ATP1A4: variants seen among roughly 807,000 people sequenced by gnomAD.
ATP1A4 encodes the protein ATPase Na+/K+ transporting subunit alpha 4.
In ATP1A4, 90 loss-of-function variants were observed where a neutral mutation model predicts 114.3. That is an observed-to-expected ratio of 0.79 (90% confidence interval 0.66 to 0.94). The LOEUF is 0.94. Among genes scored for constraint, ATP1A4 ranks in the 40% least tolerant of loss-of-function variants. The probability of loss-of-function intolerance (pLI) is 0.00; values close to 1 mark genes in which losing one functional copy is unlikely to be tolerated. For synonymous variants in ATP1A4, 511 were observed against 494.1 expected, an observed-to-expected ratio of 1.03 and a Z score of -0.45; for missense variants, 1,222 against 1,313.6, an observed-to-expected ratio of 0.93 and a Z score of 1.08.
Position 160,155,234 on chromosome 1 carries a change from C to A in ATP1A4, c.397C>A (p.Pro133Thr), listed in dbSNP as rs752786266. The change falls in exon 3 of 22, where the codon CCT (proline) becomes ACT (threonine). Residue 133 changes from proline to threonine, a missense_variant. Transcript: ENST00000368081. ...CATCCAGATATATTTCAATGAGGAG[C>A]CTACCAAAGACAACGTGAGTCTCTT... The part of the protein sequence containing the change: ...YSIQIYFNEE[P>T]TKDNLYLSIV... The A allele has an allele frequency of 1.2e-6, 2 of 1,613,278 alleles. No homozygotes were observed. The highest frequency in any genetic ancestry group is 1.7e-5 in the Admixed American group (1 of 59,930).
At chr1:160,173,800 C>A in intron 13 of ATP1A4, 83 bp downstream of exon 13, 1 of 1,513,634 alleles carries the variant, frequency 6.6e-7, no homozygotes, top group South Asian at 1.2e-5. Context: ...TACTAAAGTT[C>A]TTGGAGTCTC....
At chr1:160,159,236 T>C in intron 5 of ATP1A4, 100 bp downstream of exon 5, 1 of 1,496,710 alleles carries the variant, frequency 6.7e-7, no homozygotes, top group Non-Finnish European at 9.0e-7. Context: ...TTACTCAGAA[T>C]CTTGAGAAGT....
intron 18 of ATP1A4, among the ~76,000 whole-genome samples, chr1:160,178,501 C>T (rs928040677): frequency 2.6e-5 from 4 of 151,960 alleles, no homozygotes; most frequent in African/African-American, 9.7e-5. Context: ...ATGGTGAAAC[C>T]CCATCTCTAC....
intron 12 of ATP1A4, 100 bp from the exon 13 acceptor site, chr1:160,173,481 G>C: frequency 3.3e-6 from 5 of 1,502,130 alleles, no homozygotes; most frequent in Non-Finnish European, 4.5e-6. Flanking sequence ...TAAAACCCTT[G>C]TTGAAAAAAG....
chr1:160,155,125 A>G lies in ATP1A4; in HGVS notation c.288A>G (p.Glu96=), dbSNP rs1351344838. 4 of 1,613,194 alleles carry G rather than the reference A, an allele frequency of 2.5e-6. No homozygotes were observed. Among genetic ancestry groups the G allele is most frequent in the East Asian group, 2.2e-5 (1 of 44,844 alleles). Reference sequence around the variant, plus strand: ...TTACCCCACCCCCCACCACTCCAGAATGGGTCAAATTCTGTAAGCAACTGT... The same window carrying G: ...TTACCCCACCCCCCACCACTCCAGAGTGGGTCAAATTCTGTAAGCAACTGT... The part of the protein sequence containing the change: ...NTVTPPPTTP[E]WVKFCKQLFG... Residue 96 remains glutamate (E), a synonymous_variant, in exon 3 of 22, where the codon GAA becomes GAG. Transcript: ENST00000368081.
chr1:160,183,953 C>CTTTTTTT (rs35692428), intron 20 of ATP1A4, among the ~76,000 whole-genome samples: 1 of 129,174 alleles, frequency 7.7e-6, no homozygotes, highest in African/African-American at 2.8e-5. Context: ...ATTGATAATG[C>CTTTTTTT]TTTTTTTTTT....
chr1:160,186,236 T>C, intron 20 of ATP1A4, 40 bp from the exon 21 acceptor site: 4 of 1,403,856 alleles, frequency 2.8e-6, no homozygotes, highest in African/African-American at 1.4e-5. Context: ...CTCTGGCATC[T>C]CTCTCTCCTG....
intron 2 of ATP1A4, 33 bp downstream of exon 2, chr1:160,153,257 T>C (rs1652522035): frequency 6.3e-7 from 1 of 1,582,536 alleles, no homozygotes; most frequent in Non-Finnish European, 8.7e-7. Flanking sequence ...AGGCAGAGAG[T>C]CTCCAACTCT....
Position 160,174,255 on chromosome 1 carries a change from G to A in ATP1A4, c.2136G>A (p.Gln712=). 6.2e-7 allele frequency: 1 copy of A among 1,614,094 alleles called. No individual in the cohort carries two copies. Among genetic ancestry groups the A allele is most frequent in the Non-Finnish European group, 8.5e-7 (1 of 1,180,010 alleles). ...QQKLIIVEGC[Q]RLGAVVAVTG... ...AGCTCATCATTGTCGAGGGATGTCA[G>A]AGGCTGGTAAGGAACGAAAAGGAGC... Residue 712 remains glutamine (Q), a synonymous_variant, in exon 14 of 22, where the codon CAG becomes CAA. Transcript: ENST00000368081.
chr1:160,168,027 G>A (rs1653104241), intron 10 of ATP1A4, among the ~76,000 whole-genome samples: 1 of 152,144 alleles, frequency 6.6e-6, no homozygotes, highest in Non-Finnish European at 1.5e-5. Flanking sequence ...ACGTGTGTTC[G>A]TGTTCGTGAA....
chr1:160,168,204 A>C (rs550426025), intron 10 of ATP1A4, among the ~76,000 whole-genome samples: 1 of 152,218 alleles, frequency 6.6e-6, no homozygotes, highest in East Asian at 1.9e-4. Context: ...AGGAACAGTG[A>C]CATTATCAGA....
chr1:160,156,866 C>A (rs190682120), intron 4 of ATP1A4, among the ~76,000 whole-genome samples: 2 of 152,072 alleles, frequency 1.3e-5, no homozygotes, highest in Non-Finnish European at 2.9e-5. Flanking sequence ...TAATCCCAAC[C>A]GTTTGGGGGA....
intron 12 of ATP1A4, 62 bp downstream of exon 12, chr1:160,171,819 G>C: frequency 6.5e-7 from 1 of 1,535,096 alleles, no homozygotes; most frequent in Non-Finnish European, 8.9e-7. Flanking sequence ...CTACTAGAAG[G>C]CCTTGCGCAG....
intron 17 of ATP1A4, among the ~76,000 whole-genome samples, chr1:160,177,102 G>C (rs1052240480): frequency 6.6e-6 from 1 of 152,150 alleles, no homozygotes; most frequent in Non-Finnish European, 1.5e-5. Flanking sequence ...CATTTGTGTT[G>C]GGGTCAGCCT....
At chr1:160,175,998 A>G in intron 15 of ATP1A4, 94 bp from the exon 16 acceptor site, 2 of 1,317,324 alleles carry the variant, frequency 1.5e-6, no homozygotes, top group East Asian at 2.3e-5. Flanking sequence ...CTGGACTGTG[A>G]CACTTCTTTG....
intron 6 of ATP1A4, among the ~76,000 whole-genome samples, chr1:160,160,118 T>C (rs1005309965): frequency 3.3e-5 from 5 of 152,202 alleles, no homozygotes; most frequent in African/African-American, 4.8e-5. Context: ...TCCTTTGCCC[T>C]TTCCCCTTAA....
chr1:160,177,653 G>T lies in ATP1A4; in HGVS notation c.2725G>T (p.Gly909Ter). The change falls in exon 18 of 22, where the codon GGA becomes TGA. Residue 909 changes from glycine to a stop codon, truncating the protein, a stop_gained. Transcript: ENST00000368081. LOFTEE classifies it high-confidence loss of function. ...CTTGAATGACCTGGAGGACAGCTAC[G>T]GACAGCAGTGGGTGAGTAGAAGGGA... ...KYLNDLEDSY[G>*]QQWTYEQRKV... 6.2e-7 allele frequency: 1 copy of T among 1,614,144 alleles called. No individual in the cohort carries two copies. Among genetic ancestry groups the T allele is most frequent in the African/African-American group, 1.3e-5 (1 of 75,040 alleles).
chr1:160,166,373 A>G (rs922879620), intron 7 of ATP1A4, among the ~76,000 whole-genome samples, 155 bp from the exon 8 acceptor site: 7 of 152,248 alleles, frequency 4.6e-5, no homozygotes, highest in African/African-American at 1.7e-4. Flanking sequence ...CCTTTACCAC[A>G]GCCAGAAATG....
At chr1:160,164,846 G>A (rs1652977085) in intron 7 of ATP1A4, among the ~76,000 whole-genome samples, 1 of 152,144 alleles carries the variant, frequency 6.6e-6, no homozygotes, top group South Asian at 2.1e-4. Context: ...AAACCCATGG[G>A]AGATGATTAT....
Sources: allele counts gnomAD v4.1 joint callset (sites outside exome capture counted in the v4.1 genomes callset), GRCh38; gene constraint gnomAD v4.1.1; transcripts MANE v1.5; gene names NCBI Gene and HGNC (gene_info 2026-07-23, HGNC 2026-07-21).